SLC6A16: variants seen among roughly 807,000 people sequenced by gnomAD.
SLC6A16 encodes orphan sodium- and chloride-dependent neurotransmitter transporter NTT5.
Under a neutral mutation model 65.4 loss-of-function variants are expected in SLC6A16, and 54 were observed. The observed-to-expected ratio is 0.83, with a 90% CI of 0.66 to 1.04. The LOEUF is 1.04. Among genes scored for constraint, SLC6A16 ranks in the 50% least tolerant of loss-of-function variants. The pLI, the probability that SLC6A16 is intolerant of heterozygous loss-of-function variation, is 0.00. For missense variants in SLC6A16, 816 were observed against 914.0 expected, an observed-to-expected ratio of 0.89 and a Z score of 1.38; for synonymous variants, 330 against 346.5, an observed-to-expected ratio of 0.95 and a Z score of 0.53.
Position 49,308,989 on chromosome 19 carries a change from A to C in SLC6A16, c.1116T>G (p.Ser372Arg). Residue 372 changes from serine (S) to arginine (R), a missense_variant, in exon 7 of 12, where the codon AGT becomes AGG. Transcript: ENST00000335875. ...SYMPQSNNCL[S>R]DAFLVSVINL... is the part of the protein sequence containing the mutation. ...TTATCACAGACACGAGAAAGGCATC[A>C]CTGAGACAGTTGTTGGACTGGGGCA... is the stretch of plus-strand genomic sequence containing the variant. 1.2e-6 allele frequency: 2 copies of C among 1,614,250 alleles called. No individual in the cohort carries two copies. The highest frequency in any genetic ancestry group is 1.7e-6 in the Non-Finnish European group (2 of 1,180,052).
intron 7 of SLC6A16, among the ~76,000 whole-genome samples, chr19:49,308,595 T>C (rs2146122924): frequency 6.6e-6 from 1 of 152,298 alleles, no homozygotes; most frequent in South Asian, 2.1e-4. Flanking sequence ...ATGTTTGCAA[T>C]TTTTAGTACA....
In SLC6A16 at chr19:49,309,762, TGAGGCCTTC is replaced by T; in HGVS notation, c.756_764del (p.Lys253_Ser255del). 1 of 1,614,088 alleles carries T rather than the reference TGAGGCCTTC, an allele frequency of 6.2e-7. No homozygotes were observed. The highest frequency in any genetic ancestry group is 8.5e-7 in the Non-Finnish European group (1 of 1,179,960). On this transcript the variant is annotated inframe_deletion, in exon 5 of 12. Coordinates refer to ENST00000335875, the MANE Select transcript of SLC6A16 (RefSeq NM_014037.3). ...GTGACCCGCCATCCTCGATTCTGTC[TGAGGCCTTC>T]AAGGCCTGCTGGTACCAGAAGTATA...
the SLC6A16 span, among the ~76,000 whole-genome samples, chr19:49,332,971 G>A: frequency 2.4e-4 from 37 of 152,146 alleles, no homozygotes; most frequent in Non-Finnish European, 4.4e-4. Context: ...ACACCAGCCT[G>A]GCCAACATGG....
At chr19:49,334,120 G>GT in the SLC6A16 span, among the ~76,000 whole-genome samples, 43,571 of 152,104 alleles carry the variant, frequency 0.29, 6,516 homozygotes, top group South Asian at 0.44. Flanking sequence ...CAGCACCTGG[G>GT]TGCTCCCTGG....
chr19:49,332,797 T>C, the SLC6A16 span, among the ~76,000 whole-genome samples: 3 of 152,180 alleles, frequency 2.0e-5, no homozygotes, highest in African/African-American at 7.2e-5. Flanking sequence ...GATGGTGGCC[T>C]TGGAAAGAAG....
At position 49,310,246 on chromosome 19, in the gene SLC6A16, C is replaced by A. The variant is rs967671106; in HGVS notation, c.574-80G>T. ...GGGGATTTGACAGAGGATTGGGGAA[C>A]CAAAGGGATCTGACCCATGGAGGTA... On this transcript the variant is annotated intron_variant, in intron 3 of 11. Coordinates refer to ENST00000335875, the MANE Select transcript of SLC6A16 (RefSeq NM_014037.3). The A allele has an allele frequency of 2.5e-6, 4 of 1,604,208 alleles. No homozygotes were observed. In the African/African-American group the frequency reaches 5.4e-5, roughly 21 times the overall value.
chr19:49,295,643 G>T (rs900511019), intron 7 of SLC6A16, among the ~76,000 whole-genome samples: 11 of 152,180 alleles, frequency 7.2e-5, no homozygotes, highest in African/African-American at 2.4e-4. Flanking sequence ...AAACATTGAA[G>T]TACAGGCAAA....
At chr19:49,339,820 G>A in the SLC6A16 span, 99 of 1,343,718 alleles carry the variant, frequency 7.4e-5, 1 homozygote, top group Non-Finnish European at 9.0e-5. This position sits in a 1 kb window ranked among gnomAD's most constrained non-coding sequence, Gnocchi z 4.5. Flanking sequence ...GGGCATGGCG[G>A]GTGCCTGCCC....
At chr19:49,332,238 T>A in the SLC6A16 span, 1 of 456,698 alleles carries the variant, frequency 2.2e-6, no homozygotes, top group Non-Finnish European at 4.4e-6. Context: ...CTCTTCTGTG[T>A]CTTCTCCTCT....
At chr19:49,293,124 C>A in intron 10 of SLC6A16, 99 bp downstream of exon 10, 1 of 1,041,438 alleles carries the variant, frequency 9.6e-7, no homozygotes, top group East Asian at 2.4e-5. Flanking sequence ...TTAAGGGTCC[C>A]TATGTCACAC....
chr19:49,335,517 G>A, the SLC6A16 span: 5 of 1,593,546 alleles, frequency 3.1e-6, no homozygotes, highest in East Asian at 6.7e-5. This position sits in a 1 kb window ranked among gnomAD's most constrained non-coding sequence, Gnocchi z 4.6. Flanking sequence ...GTGGTGAGTG[G>A]ACCGCTTACC....
At chr19:49,321,152 G>A (rs1293565366) in intron 1 of SLC6A16, among the ~76,000 whole-genome samples, 1 of 151,936 alleles carries the variant, frequency 6.6e-6, no homozygotes, top group Non-Finnish European at 1.5e-5. Context: ...CATATTAAAA[G>A]GATTATATAC....
the SLC6A16 span, chr19:49,339,541 C>T: frequency 1.3e-6 from 2 of 1,482,162 alleles, no homozygotes; most frequent in East Asian, 2.3e-5. The surrounding 1 kb of genome is among the most constrained non-coding windows in gnomAD (Gnocchi z 4.5). Context: ...CCGGCCCTCC[C>T]GCCGCTCCAC....
In SLC6A16 at chr19:49,308,799, C is replaced by T. The variant is rs747851962; in HGVS notation, c.1229+77G>A. 13 of 1,570,402 alleles carry T rather than the reference C, an allele frequency of 8.3e-6. No homozygotes were observed. The African/African-American group carries it at 1.8e-4, about 21-fold the overall frequency. ...TGAAATGTGTGAACATGGGTCTTTG[C>T]AGCACCTTTAAGGTTAGGGTCTCAG... On this transcript the variant is annotated intron_variant, in intron 7 of 11. Coordinates refer to ENST00000335875, the MANE Select transcript of SLC6A16 (RefSeq NM_014037.3).
Position 49,294,638 on chromosome 19 carries a change from G to GAGA in SLC6A16, c.1230-86_1230-85insTCT, listed in dbSNP as rs371009700. The GAGA allele has an allele frequency of 8.8e-4, 1,073 of 1,215,014 alleles. 2 individuals carry two copies. The African/African-American group carries it at 0.015, about 17-fold the overall frequency. 75.3% of individuals were successfully genotyped at this position (1,215,014 alleles called of 1,614,324 possible). On this transcript the variant is annotated intron_variant, in intron 7 of 11. Coordinates refer to ENST00000335875, the MANE Select transcript of SLC6A16 (RefSeq NM_014037.3). ...TTCCCTTATCTTCAAGATAAAAAAG[G>GAGA]CTATCACTGGCTTAGCATTACTGAT...
intron 1 of SLC6A16, among the ~76,000 whole-genome samples, chr19:49,316,948 G>C (rs1427954484): frequency 6.6e-6 from 1 of 150,802 alleles, no homozygotes; most frequent in Non-Finnish European, 1.5e-5. Context: ...AAGTGGAGAG[G>C]ATCGCTTGAG....
chr19:49,315,762 G>A (rs896715031), intron 1 of SLC6A16, among the ~76,000 whole-genome samples: 2 of 150,622 alleles, frequency 1.3e-5, no homozygotes, highest in Non-Finnish European at 3.0e-5. Context: ...TAGCAAACCA[G>A]GAATAATTTC....
chr19:49,327,263 C>A (rs1435823163), upstream of SLC6A16, among the ~76,000 whole-genome samples: 1 of 151,530 alleles, frequency 6.6e-6, no homozygotes, highest in Non-Finnish European at 1.5e-5. Flanking sequence ...TTAGTAGAGT[C>A]AGGGTTTAGT....
intron 5 of SLC6A16, 101 bp from the exon 6 acceptor site, chr19:49,309,512 GA>G: frequency 4.7e-6 from 6 of 1,268,938 alleles, no homozygotes; most frequent in Non-Finnish European, 6.8e-6. Flanking sequence ...GTAGGAGTTA[GA>G]AGAAAGCCTT....
Sources: gnomAD v4.1 joint callset for allele counts (sites outside exome capture counted in the v4.1 genomes callset) on GRCh38, gnomAD v4.1.1 for gene constraint, Gnocchi (gnomAD v3.1) non-coding constraint, MANE v1.5 for transcripts, NCBI Gene and HGNC (gene_info 2026-07-23, HGNC 2026-07-21) for gene names.